PCSK5: variants seen among roughly 807,000 people sequenced by gnomAD.
The protein encoded by PCSK5 is proprotein convertase subtilisin/kexin type 5, also known as prohormone convertase 5.
PCSK5 carries 129 observed loss-of-function variants against 233.2 expected under a neutral mutation model. The ratio of observed to expected loss-of-function variants is 0.55; its 90% CI spans 0.48 to 0.64. The LOEUF (loss-of-function observed/expected upper bound fraction) is 0.64. Ranked by LOEUF, PCSK5 falls within the 30% of genes least tolerant of loss-of-function variation. The pLI, the probability that PCSK5 is intolerant of heterozygous loss-of-function variation, is 0.00. For synonymous variants in PCSK5, 825 were observed against 879.2 expected (o/e 0.94, Z 1.09); for missense variants, 2,076 against 2,430.1 (o/e 0.85, Z 3.06).
At chr9:76,169,587 G>C (rs992347755) in intron 12 of PCSK5, 117 bp from the exon 13 acceptor site, 7 of 804,272 alleles carry the variant, frequency 8.7e-6, no homozygotes, top group African/African-American at 3.4e-5. Flanking sequence ...ATGCAGACCA[G>C]CTCTAGTGCC....
At chr9:76,341,955 T>C (rs531940226) in intron 35 of PCSK5, among the ~76,000 whole-genome samples, 1 of 152,332 alleles carries the variant, frequency 6.6e-6, no homozygotes, top group Admixed American at 6.5e-5. Flanking sequence ...AAAACACTTT[T>C]AGTTCCTATT....
chr9:76,009,119 C>G (rs892607310), intron 3 of PCSK5, among the ~76,000 whole-genome samples: 5 of 151,910 alleles, frequency 3.3e-5, no homozygotes, highest in African/African-American at 1.2e-4. Context: ...TAGAATGATA[C>G]CTGGGATGGT....
chr9:76,264,205 G>T (rs779279185), intron 24 of PCSK5, among the ~76,000 whole-genome samples: 1 of 152,098 alleles, frequency 6.6e-6, no homozygotes, highest in Non-Finnish European at 1.5e-5. Flanking sequence ...TAAGCAATGG[G>T]GAAAGCACTT....
chr9:76,211,189 T>C (rs1449832172), intron 20 of PCSK5, among the ~76,000 whole-genome samples: 2 of 152,210 alleles, frequency 1.3e-5, no homozygotes, highest in African/African-American at 2.4e-5. Context: ...GCAGAAGAAA[T>C]TCCAGGATAC....
chr9:76,177,625 G>A (rs573094260), intron 14 of PCSK5, among the ~76,000 whole-genome samples: 57 of 152,258 alleles, frequency 3.7e-4, no homozygotes, highest in African/African-American at 1.1e-3. Context: ...TTCTCGGATA[G>A]GAGAAAGTAG....
At chr9:76,192,033 C>T (rs542546797) in intron 20 of PCSK5, among the ~76,000 whole-genome samples, 2 of 128,552 alleles carry the variant, frequency 1.6e-5, no homozygotes, top group Non-Finnish European at 3.1e-5. Flanking sequence ...GAGCAGAGAT[C>T]GTGTCCAGCC....
At chr9:76,153,257 ACT>A (rs1487687310) in intron 10 of PCSK5, among the ~76,000 whole-genome samples, 5 of 152,162 alleles carry the variant, frequency 3.3e-5, no homozygotes, top group African/African-American at 4.8e-5. Context: ...TACTCCAGTA[ACT>A]CTGCTTCAAG....
chr9:76,297,944 G>A (rs770483931), intron 27 of PCSK5, among the ~76,000 whole-genome samples: 81 of 152,180 alleles, frequency 5.3e-4, no homozygotes, highest in Non-Finnish European at 2.1e-4. Context: ...CAAAGGCCAC[G>A]GAGAACACGG....
intron 24 of PCSK5, among the ~76,000 whole-genome samples, chr9:76,284,694 A>G (rs7026962): frequency 0.97 from 148,118 of 151,916 alleles, 72,237 homozygotes; most frequent in East Asian, 1. Context: ...CAGCATGCCC[A>G]GCTAATTTTG....
chr9:76,295,177 CA>C, intron 25 of PCSK5, 97 bp from the exon 26 acceptor site: 1 of 1,136,270 alleles, frequency 8.8e-7, no homozygotes, highest in Non-Finnish European at 1.2e-6. Context: ...CAAAACGAAA[CA>C]AAAAACTCTG....
chr9:76,323,714 T>C (rs1470621463), intron 32 of PCSK5, among the ~76,000 whole-genome samples: 1 of 152,164 alleles, frequency 6.6e-6, no homozygotes, highest in Non-Finnish European at 1.5e-5. Flanking sequence ...AATGAATCAC[T>C]CATAAGCTTT....
At chr9:76,205,266 G>C (rs1425920277) in intron 20 of PCSK5, 10 of 518,560 alleles carry the variant, frequency 1.9e-5, no homozygotes, top group African/African-American at 3.9e-5. Context: ...TGTAAAACAC[G>C]ATGATCCAGA....
intron 20 of PCSK5, chr9:76,195,651 C>T (rs1343525438): frequency 6.6e-6 from 1 of 152,126 alleles, no homozygotes; most frequent in Non-Finnish European, 1.5e-5. Context: ...GGAGACTCAA[C>T]AAATGCTCTA....
In PCSK5 at chr9:76,362,615, A is replaced by G. The variant is rs1399925911; in HGVS notation, c.*3693A>G. The stretch of plus-strand genomic sequence containing the variant: ...GCCCAATTTCTGCCTCCAAAGAAAG[A>G]AGAAGTAAAAACTAAAAGGCAAAAA... On this transcript the variant is annotated 3_prime_UTR_variant, in exon 38 of 38. Transcript: ENST00000674117. Among the ~76,000 whole-genome samples the G allele has an allele frequency of 6.6e-6, 1 of 152,244 alleles. No homozygotes were observed. Among genetic ancestry groups the G allele is most frequent in the Non-Finnish European group, 1.5e-5 (1 of 68,040 alleles).
Position 75,918,424 on chromosome 9 carries a change from A to G in PCSK5, c.193-13955A>G, listed in dbSNP as rs574397369. On this transcript the variant is annotated intron_variant, in intron 1 of 37. Transcript: ENST00000674117. ...ATTTCTGCCAGGCTCATTGATGCCA[A>G]TGCTGCTGGTCCAGTGCTTCTGGCC... is the stretch of plus-strand genomic sequence containing the variant. Among the ~76,000 whole-genome samples, 24 of 152,340 alleles carry G rather than the reference A, an allele frequency of 1.6e-4. No individual in the cohort carries two copies. In the East Asian group the frequency reaches 1.9e-3, roughly 12 times the overall value.
chr9:76,000,035 G>A (rs1012227893), intron 3 of PCSK5, among the ~76,000 whole-genome samples: 2 of 152,122 alleles, frequency 1.3e-5, no homozygotes, highest in Non-Finnish European at 2.9e-5. Context: ...AGCTGACAAA[G>A]GGCTAATATT....
chr9:76,061,899 T>A (rs116819330), intron 5 of PCSK5, among the ~76,000 whole-genome samples: 2,125 of 152,316 alleles, frequency 0.014, 55 homozygotes, highest in African/African-American at 0.047. Flanking sequence ...AAAAATGTTT[T>A]AAATTGATCA....
intron 24 of PCSK5, among the ~76,000 whole-genome samples, chr9:76,262,161 T>G (rs564657855): frequency 6.6e-6 from 1 of 152,274 alleles, no homozygotes; most frequent in East Asian, 1.9e-4. Context: ...TCCATGCTCA[T>G]GGGTAGGAAG....
rs757479964 is a variant in PCSK5, at chr9:75,898,190, A to G, written c.192+6817A>G. On this transcript the variant is annotated intron_variant, in intron 1 of 37. Coordinates refer to ENST00000674117, the MANE Select transcript of PCSK5 (RefSeq NM_001372043.1). Reference sequence around the variant, plus strand: ...ATTGCAGTGATGTTGTCCTTGATCCAGACAGAGGTGTATGTAATATACTCA... The same window carrying G: ...ATTGCAGTGATGTTGTCCTTGATCCGGACAGAGGTGTATGTAATATACTCA... 3.9e-5 allele frequency among the ~76,000 whole-genome samples: 6 copies of G among 152,304 alleles called. No individual in the cohort carries two copies. In the East Asian group the frequency reaches 1.2e-3, roughly 29 times the overall value.
Sources: gnomAD v4.1 joint callset for allele counts (sites outside exome capture counted in the v4.1 genomes callset) on GRCh38, gnomAD v4.1.1 for gene constraint, MANE v1.5 for transcripts, NCBI Gene and HGNC (gene_info 2026-07-23, HGNC 2026-07-21) for gene names.